The following CA8 variants were observed in gnomAD, a reference collection of about 807,000 sequenced individuals.
CA8 encodes the protein carbonic anhydrase 8 (inactive).
CA8 carries 22 observed loss-of-function variants against 41.4 expected under a neutral mutation model. The observed-to-expected ratio is 0.53, with a 90% CI of 0.38 to 0.76. The LOEUF is 0.76. Among genes scored for constraint, CA8 ranks in the 30% least tolerant of loss-of-function variants. The pLI is 0.00. For synonymous variants in CA8, 121 were observed against 130.6 expected (o/e 0.93, Z 0.50); for missense variants, 270 against 352.8 (o/e 0.77, Z 1.88).
intron 8 of CA8, among the ~76,000 whole-genome samples, chr8:60,197,280 T>C (rs1481618855): frequency 6.6e-6 from 1 of 152,122 alleles, no homozygotes; most frequent in Non-Finnish European, 1.5e-5. Flanking sequence ...TGAAAAGATA[T>C]ATCATCAAGC....
At chr8:60,199,353 C>CAAAAACTAGATTAAAGAACTTCTTGAGAT (rs1806361667) in intron 8 of CA8, among the ~76,000 whole-genome samples, 1 of 152,078 alleles carries the variant, frequency 6.6e-6, no homozygotes, top group Admixed American at 6.6e-5. Context: ...CCTCTTCAGG[C>CAAAAACTAGATTAAAGAACTTCTTGAGAT]AAAAACTAGA....
chr8:60,264,224 G>A (rs1459060598), intron 3 of CA8, among the ~76,000 whole-genome samples: 1 of 152,174 alleles, frequency 6.6e-6, no homozygotes, highest in African/African-American at 2.4e-5. Context: ...CAGCTTTTAA[G>A]TTCTGCATGT....
At chr8:60,218,760 A>G (rs1441561212) in intron 7 of CA8, among the ~76,000 whole-genome samples, 1 of 152,214 alleles carries the variant, frequency 6.6e-6, no homozygotes, top group Non-Finnish European at 1.5e-5. Flanking sequence ...AAATTGTAGG[A>G]AAAGTAAATG....
rs1312377082 is a variant in CA8, at chr8:60,186,931, T to C, written c.*3090A>G. On this transcript the variant is annotated 3_prime_UTR_variant, in exon 9 of 9. Coordinates refer to ENST00000317995, the MANE Select transcript of CA8 (RefSeq NM_004056.6). Reference sequence around the variant, plus strand: ...CTTTCATAATAGACAGAAATAGGCATATCAACAAGGAAATAGAAGACTTGA... The same window carrying C: ...CTTTCATAATAGACAGAAATAGGCACATCAACAAGGAAATAGAAGACTTGA... Among the ~76,000 whole-genome samples, 2 of 151,950 alleles carry C rather than the reference T, an allele frequency of 1.3e-5. No homozygotes were observed. The highest frequency in any genetic ancestry group is 2.9e-5 in the Non-Finnish European group (2 of 67,886).
chr8:60,223,871 A>G (rs1807333885), intron 6 of CA8, among the ~76,000 whole-genome samples: 2 of 152,248 alleles, frequency 1.3e-5, no homozygotes, highest in South Asian at 2.1e-4. Flanking sequence ...AAATGTGAAG[A>G]TCAAAATTTT....
intron 3 of CA8, among the ~76,000 whole-genome samples, chr8:60,247,939 T>C (rs765244961): frequency 1.2e-4 from 19 of 152,342 alleles, no homozygotes; most frequent in Middle Eastern, 3.4e-3. Flanking sequence ...TTTTTAATAA[T>C]TGTCATTCTG....
At chr8:60,215,316 A>C (rs1044823226) in intron 7 of CA8, among the ~76,000 whole-genome samples, 1 of 151,708 alleles carries the variant, frequency 6.6e-6, no homozygotes, top group African/African-American at 2.4e-5. Context: ...AAATGTCCAT[A>C]ATCAATGAGT....
intron 8 of CA8, among the ~76,000 whole-genome samples, chr8:60,197,316 T>A (rs1806308218): frequency 6.6e-6 from 1 of 151,958 alleles, no homozygotes; most frequent in African/African-American, 2.4e-5. Context: ...ATGCACAGTA[T>A]AATCTCATAA....
chr8:60,205,961 A>G (rs940995973), intron 8 of CA8, among the ~76,000 whole-genome samples: 4 of 152,254 alleles, frequency 2.6e-5, no homozygotes, highest in Non-Finnish European at 4.4e-5. Context: ...ACTTTAATAA[A>G]AATTTGAATT....
intron 4 of CA8, 61 bp downstream of exon 4, chr8:60,232,223 T>A (rs1439492560): frequency 1.4e-5 from 18 of 1,318,458 alleles, no homozygotes; most frequent in Non-Finnish European, 2.0e-5. Flanking sequence ...AAAAAAATTT[T>A]ACAAAATGAT....
At chr8:60,263,641 G>A (rs1371838907) in intron 3 of CA8, among the ~76,000 whole-genome samples, 2 of 152,200 alleles carry the variant, frequency 1.3e-5, no homozygotes, top group African/African-American at 4.8e-5. Flanking sequence ...GGCCCTTGGT[G>A]GCAGTTCAGA....
At chr8:60,276,155 G>C (rs1427829106) in intron 2 of CA8, among the ~76,000 whole-genome samples, 2 of 152,172 alleles carry the variant, frequency 1.3e-5, no homozygotes, top group Admixed American at 1.3e-4. Flanking sequence ...TCAAAAAAGA[G>C]GATGGCACGG....
At chr8:60,216,058 T>C (rs1013357961) in intron 7 of CA8, among the ~76,000 whole-genome samples, 1 of 152,240 alleles carries the variant, frequency 6.6e-6, no homozygotes, top group Middle Eastern at 3.2e-3. Flanking sequence ...GGAAACTACC[T>C]GCCATTCATT....
chr8:60,254,778 T>C (rs1188713184), intron 3 of CA8, among the ~76,000 whole-genome samples: 1 of 151,908 alleles, frequency 6.6e-6, no homozygotes, highest in African/African-American at 2.4e-5. Flanking sequence ...CCCAAGTAAA[T>C]TAGAAAAGAA....
chr8:60,191,472 A>AG (rs1230000212), intron 8 of CA8, among the ~76,000 whole-genome samples: 1 of 152,076 alleles, frequency 6.6e-6, no homozygotes, highest in African/African-American at 2.4e-5. Flanking sequence ...GGTTGAAAAA[A>AG]CGAATCCATG....
rs530590497 is a variant in CA8 at position 60,195,199 on chromosome 8, A to G, written c.*36-5214T>C. 4.5e-4 allele frequency among the ~76,000 whole-genome samples: 68 copies of G among 152,352 alleles called. 1 individual carries two copies. Among genetic ancestry groups the G allele is most frequent in the Admixed American group, 1.2e-3 (19 of 15,298 alleles). On this transcript the variant is annotated intron_variant, in intron 8 of 8. Transcript: ENST00000317995. ...GATCAGTGTTCATAATGATGACCTC[A>G]AAGTATGGCCACATCCTAAGAAGTC... is the stretch of plus-strand genomic sequence containing the variant.
chr8:60,196,445 C>T (rs1386724029), intron 8 of CA8, among the ~76,000 whole-genome samples: 4 of 152,044 alleles, frequency 2.6e-5, no homozygotes, highest in Non-Finnish European at 2.9e-5. Flanking sequence ...AATAGAGGTG[C>T]TGTGTTCCCC....
chr8:60,208,952 C>A, intron 7 of CA8, 33 bp from the exon 8 acceptor site: 1 of 1,608,150 alleles, frequency 6.2e-7, no homozygotes, highest in South Asian at 1.1e-5. Context: ...ATAGATTAAT[C>A]AATTATCGGA....
intron 3 of CA8, among the ~76,000 whole-genome samples, chr8:60,260,475 T>C (rs1456731932): frequency 1.3e-5 from 2 of 152,186 alleles, no homozygotes; most frequent in African/African-American, 2.4e-5. Flanking sequence ...AAACTCCTTA[T>C]ATCATTAGGG....
Sources: allele counts gnomAD v4.1 joint callset (sites outside exome capture counted in the v4.1 genomes callset), GRCh38; gene constraint gnomAD v4.1.1; transcripts MANE v1.5; gene names NCBI Gene and HGNC (gene_info 2026-07-23, HGNC 2026-07-21).